The following DPYSL4 variants were observed in gnomAD, a reference collection of about 807,000 sequenced individuals.
The protein encoded by DPYSL4 is dihydropyrimidinase like 4.
DPYSL4 carries 43 observed loss-of-function variants against 63.4 expected under a neutral mutation model. The ratio of observed to expected loss-of-function variants is 0.68; its 90% CI spans 0.53 to 0.88. The LOEUF (loss-of-function observed/expected upper bound fraction) is 0.88. DPYSL4 is among the 40% of genes least tolerant of loss of function. DPYSL4 has a pLI of 0.00. For missense variants in DPYSL4, 733 were observed against 819.5 expected (o/e 0.89, Z 1.29); for synonymous variants, 353 against 331.7 (o/e 1.06, Z -0.70).
rs116505482 is a variant in DPYSL4, at chr10:132,195,497, A to C, written c.478+488A>C. Among the ~76,000 whole-genome samples, 1,211 of 152,252 alleles carry C rather than the reference A, an allele frequency of 8.0e-3. 19 individuals carry two copies. The highest frequency in any genetic ancestry group is 0.026 in the African/African-American group (1,078 of 41,534). ...CAAGTGGCATATCTGATTATAGCCGATCTCTCCTAATCTGAGTCCGGCCCA... is the reference window on the plus strand; with the variant it reads ...CAAGTGGCATATCTGATTATAGCCGCTCTCTCCTAATCTGAGTCCGGCCCA... On this transcript the variant is annotated intron_variant, in intron 4 of 13. Transcript: ENST00000338492.
rs553047637 is a variant in DPYSL4 at position 132,202,648 on chromosome 10, C to A, written c.1284C>A (p.Asn428Lys). The A allele has an allele frequency of 4.3e-6, 7 of 1,612,210 alleles. No individual in the cohort carries two copies. The African/African-American group carries it at 9.3e-5, about 22-fold the overall frequency. Residue 428 changes from asparagine (N) to lysine (K), a missense_variant and splice_region_variant, in exon 12 of 14, where the codon AAC becomes AAA. Asn to Lys is a moderately conservative substitution (Grantham distance 94). Coordinates refer to ENST00000338492, the MANE Select transcript of DPYSL4 (RefSeq NM_006426.3). ...KIISAKTHNL[N>K]VEYNIFEGVE... ...GACCCTCGGGCCTCTCTCCCCAGAA[C>A]GTGGAGTACAACATCTTCGAGGGAG...
intron 11 of DPYSL4, 140 bp downstream of exon 11, chr10:132,202,256 T>C (rs1209603296): frequency 8.8e-7 from 1 of 1,133,362 alleles, no homozygotes; most frequent in Non-Finnish European, 1.2e-6. Flanking sequence ...CCACACAGCC[T>C]GTCCCAGGCC....
chr10:132,203,167 T>C (rs2062042852), intron 12 of DPYSL4, among the ~76,000 whole-genome samples: 1 of 152,222 alleles, frequency 6.6e-6, no homozygotes, highest in South Asian at 2.1e-4. Context: ...GCTGCCCAGT[T>C]GGACCTCAGT....
At chr10:132,192,487 C>T (rs2061891135) in intron 2 of DPYSL4, 171 bp from the exon 3 acceptor site, 2 of 1,379,700 alleles carry the variant, frequency 1.4e-6, no homozygotes, top group Non-Finnish European at 9.3e-7. Context: ...CTGAGTGATG[C>T]TTTGCTCCCT....
rs749060105 is a variant in DPYSL4 at position 132,202,129 on chromosome 10, G to A, written c.1281+13G>A. 1.9e-5 allele frequency: 30 copies of A among 1,608,400 alleles called. No individual in the cohort carries two copies. The highest frequency in any genetic ancestry group is 4.0e-5 in the African/African-American group (3 of 74,780). ...GACCCACAATCTGGTAAGAGAAGGC[G>A]GCTGTAAGTCAGGGTTGGCCTTTGT... On this transcript the variant is annotated intron_variant, in intron 11 of 13. Coordinates refer to ENST00000338492, the MANE Select transcript of DPYSL4 (RefSeq NM_006426.3).
chr10:132,192,605 T>TCTGGGCTCTGAC, intron 2 of DPYSL4, 53 bp from the exon 3 acceptor site: 2 of 1,535,858 alleles, frequency 1.3e-6, no homozygotes, highest in Non-Finnish European at 1.8e-6. Context: ...TGGGAGCCCA[T>TCTGGGCTCTGAC]CTGGGCTCTG....
At chr10:132,197,185 A>G in intron 6 of DPYSL4, 84 bp downstream of exon 6, 1 of 1,237,832 alleles carries the variant, frequency 8.1e-7, no homozygotes, top group Non-Finnish European at 1.1e-6. Flanking sequence ...CAGGGGTCTG[A>G]GGGTGACTTT....
At chr10:132,201,904 A>C in intron 10 of DPYSL4, 42 bp from the exon 11 acceptor site, 3 of 1,584,480 alleles carry the variant, frequency 1.9e-6, no homozygotes, top group Non-Finnish European at 2.6e-6. Flanking sequence ...GCCTCACCCC[A>C]ACCCCACCCG....
At chr10:132,188,819 C>A (rs916909889) in intron 1 of DPYSL4, among the ~76,000 whole-genome samples, 1 of 152,220 alleles carries the variant, frequency 6.6e-6, no homozygotes, top group African/African-American at 2.4e-5. Flanking sequence ...TCATGACATA[C>A]TCTTGTTATT....
Position 132,204,901 on chromosome 10 carries a change from G to A in DPYSL4, c.1690G>A (p.Gly564Ser), listed in dbSNP as rs1184776028. The A allele has an allele frequency of 3.7e-6, 6 of 1,612,110 alleles. No individual in the cohort carries two copies. The highest frequency in any genetic ancestry group is 5.1e-6 in the Non-Finnish European group (6 of 1,179,076). Residue 564 changes from glycine (G) to serine (S), a missense_variant, in exon 14 of 14, where the codon GGC becomes AGC. Transcript: ENST00000338492. ...TAQKIMAPPG[G>S]RSNITSLS ...ACAGAAGATCATGGCACCACCTGGC[G>A]GCCGCTCCAACATCACCTCTCTCTC...
At chr10:132,187,603 C>T (rs2061821087) in intron 1 of DPYSL4, among the ~76,000 whole-genome samples, 1 of 152,210 alleles carries the variant, frequency 6.6e-6, no homozygotes, top group Non-Finnish European at 1.5e-5. Context: ...GACGCACTGG[C>T]GCTGCGTCGG....
chr10:132,201,063 C>T (rs1390585813), intron 10 of DPYSL4, 80 bp downstream of exon 10: 1 of 1,550,826 alleles, frequency 6.4e-7, no homozygotes, highest in Non-Finnish European at 8.7e-7. Context: ...GAAGGGAGCC[C>T]ATCTAACCAG....
intron 1 of DPYSL4, among the ~76,000 whole-genome samples, chr10:132,188,889 G>A (rs1010072582): frequency 6.6e-6 from 1 of 152,208 alleles, no homozygotes; most frequent in African/African-American, 2.4e-5. Flanking sequence ...AGAGGTAGAG[G>A]GTTGGGTCTG....
chr10:132,202,533 G>A (rs2062032501), intron 11 of DPYSL4, 113 bp from the exon 12 acceptor site: 1 of 1,372,672 alleles, frequency 7.3e-7, no homozygotes, highest in Non-Finnish European at 9.9e-7. Context: ...GCTCAGTGTA[G>A]GCACACCGGG....
chr10:132,190,660 G>A, intron 1 of DPYSL4, 87 bp from the exon 2 acceptor site: 1 of 1,327,876 alleles, frequency 7.5e-7, no homozygotes. Flanking sequence ...GAATGTTTCA[G>A]TCATAATTTC....
rs746783456 is a variant in DPYSL4 at position 132,200,386 on chromosome 10, C to T, written c.842C>T (p.Ala281Val). The change falls in exon 9 of 14, where the codon GCC becomes GTC. Residue 281 changes from alanine to valine, a missense_variant. By Grantham distance (64) the Ala-to-Val change is moderately conservative. Coordinates refer to ENST00000338492, the MANE Select transcript of DPYSL4 (RefSeq NM_006426.3). Reference protein sequence around the residue: ...GVVVFGEPITASLGTDGSHYW... With the variant: ...GVVVFGEPITVSLGTDGSHYW... ...GTCGTGTTTGGGGAGCCCATCACCG[C>T]CAGCCTGGGCACCGACGGTTCACAC... 1 of 1,613,450 alleles carries T rather than the reference C, an allele frequency of 6.2e-7. No homozygotes were observed. Among genetic ancestry groups the T allele is most frequent in the Non-Finnish European group, 8.5e-7 (1 of 1,179,904 alleles).
rs114312744 is a variant in DPYSL4, at chr10:132,200,470, C to A, written c.926C>A (p.Pro309Gln). ...AAFVTSPPVN[P>Q]DPTTADHLTC... ...TTCGTCACATCACCCCCTGTCAACC[C>A]AGACCCCACCACGGCGGACCACCTC... The change falls in exon 9 of 14, where the codon CCA becomes CAA. Residue 309 changes from proline to glutamine, a missense_variant. Coordinates refer to ENST00000338492, the MANE Select transcript of DPYSL4 (RefSeq NM_006426.3). 0.012 allele frequency: 19,393 copies of A among 1,613,434 alleles called. 665 individuals are homozygous for A. Among genetic ancestry groups the A allele is most frequent in the South Asian group, 0.089 (8,075 of 91,086 alleles).
At chr10:132,188,791 C>T (rs924647325) in intron 1 of DPYSL4, among the ~76,000 whole-genome samples, 10 of 152,218 alleles carry the variant, frequency 6.6e-5, no homozygotes, top group Admixed American at 6.5e-4. Flanking sequence ...GCAGTGTGAA[C>T]TTCATAGAAT....
rs903516029 is a variant in DPYSL4, at chr10:132,196,965, G to C, written c.540+43G>C. 3 of 1,613,256 alleles carry C rather than the reference G, an allele frequency of 1.9e-6. No homozygotes were observed. In the Admixed American group the frequency reaches 5.0e-5, roughly 27 times the overall value. On this transcript the variant is annotated intron_variant, in intron 5 of 13. Coordinates refer to ENST00000338492, the MANE Select transcript of DPYSL4 (RefSeq NM_006426.3). ...GAACGGAGTGGGCAGGTATATCCCA[G>C]GCCGCTGCTGGTGCAGGCGCAGCCC... is the stretch of plus-strand genomic sequence containing the variant.
Sources: allele counts gnomAD v4.1 joint callset (sites outside exome capture counted in the v4.1 genomes callset), GRCh38; gene constraint gnomAD v4.1.1; transcripts MANE v1.5; gene names NCBI Gene and HGNC (gene_info 2026-07-23, HGNC 2026-07-21).